The following MCC variants were observed in gnomAD, a reference collection of about 807,000 sequenced individuals.
MCC encodes the protein MCC regulator of Wnt signaling pathway.
A neutral mutation model predicts 116.2 loss-of-function variants in MCC; 90 were observed. The observed-to-expected ratio is 0.77, with a 90% CI of 0.65 to 0.92. MCC has a LOEUF of 0.92. MCC is among the 40% of genes least tolerant of loss of function. The pLI is 0.00. For synonymous variants in MCC, 578 were observed against 510.5 expected (o/e 1.13, Z -1.78); for missense variants, 1,516 against 1,312.2 (o/e 1.16, Z -2.40).
chr5:113,087,813 TA>T (rs962870140), intron 8 of MCC, among the ~76,000 whole-genome samples: 3 of 150,098 alleles, frequency 2.0e-5, no homozygotes, highest in East Asian at 3.9e-4. Flanking sequence ...AAAATACAGA[TA>T]AAAAAAATCC....
At chr5:113,474,247 G>A (rs1303248037) in intron 1 of MCC, among the ~76,000 whole-genome samples, 1 of 152,214 alleles carries the variant, frequency 6.6e-6, no homozygotes, top group Non-Finnish European at 1.5e-5. Flanking sequence ...AAAACTATGA[G>A]AATATCCAGT....
chr5:113,449,888 T>C (rs916858731), intron 1 of MCC, among the ~76,000 whole-genome samples: 1 of 152,246 alleles, frequency 6.6e-6, no homozygotes, highest in Admixed American at 6.5e-5. Flanking sequence ...CTTTTTCAAA[T>C]TTATAGTCCT....
intron 6 of MCC, among the ~76,000 whole-genome samples, chr5:113,112,297 A>G (rs1487527371): frequency 2.0e-5 from 3 of 152,180 alleles, no homozygotes; most frequent in South Asian, 2.1e-4. Flanking sequence ...GTAATCGCCA[A>G]TGTTGGAGGA....
rs111270402 is a variant in MCC at position 113,075,530 on chromosome 5, A to T, written c.1785-4296T>A. Among the ~76,000 whole-genome samples, 232 of 152,278 alleles carry T rather than the reference A, an allele frequency of 1.5e-3. 3 individuals carry two copies. Among genetic ancestry groups the T allele is most frequent in the African/African-American group, 5.3e-3 (222 of 41,554 alleles). On this transcript the variant is annotated intron_variant, in intron 11 of 18. Coordinates refer to ENST00000408903, the MANE Select transcript of MCC (RefSeq NM_001085377.2). ...CGGGTGGGGTCTTGGAGAACTTTTA[A>T]GTCTAGCTGGAGGATTGTAATTGCA... is the stretch of plus-strand genomic sequence containing the variant.
At chr5:113,413,096 C>T (rs1465642326) in intron 1 of MCC, among the ~76,000 whole-genome samples, 1 of 152,140 alleles carries the variant, frequency 6.6e-6, no homozygotes, top group Non-Finnish European at 1.5e-5. Context: ...TACGTTGAAC[C>T]AGCCTTGCAT....
At chr5:113,376,107 A>G (rs1057195909) in intron 2 of MCC, among the ~76,000 whole-genome samples, 5 of 152,216 alleles carry the variant, frequency 3.3e-5, no homozygotes, top group African/African-American at 9.6e-5. Context: ...AACCTTGGTA[A>G]TATTGATCTT....
intron 1 of MCC, among the ~76,000 whole-genome samples, chr5:113,402,085 G>A (rs1769704115): frequency 6.6e-6 from 1 of 151,838 alleles, no homozygotes; most frequent in Non-Finnish European, 1.5e-5. Context: ...ACGAGGTCCG[G>A]AGATCAAGAC....
At chr5:113,400,421 C>G (rs1268181922) in intron 1 of MCC, among the ~76,000 whole-genome samples, 1 of 152,116 alleles carries the variant, frequency 6.6e-6, no homozygotes, top group Non-Finnish European at 1.5e-5. Context: ...CCGCGCATGG[C>G]CTGTTTTGGC....
At chr5:113,196,281 C>T (rs1581236834) in intron 3 of MCC, among the ~76,000 whole-genome samples, 1 of 152,186 alleles carries the variant, frequency 6.6e-6, no homozygotes, top group East Asian at 1.9e-4. Flanking sequence ...ATCAGGCTCT[C>T]ATGACCTGGG....
intron 1 of MCC, among the ~76,000 whole-genome samples, chr5:113,454,320 G>A (rs905262104): frequency 2.6e-5 from 4 of 152,022 alleles, no homozygotes; most frequent in South Asian, 2.1e-4. Flanking sequence ...GCCCAGGCTC[G>A]TCTACAACTC....
At chr5:113,298,802 C>T (rs985787066) in intron 3 of MCC, among the ~76,000 whole-genome samples, 17 of 152,080 alleles carry the variant, frequency 1.1e-4, no homozygotes, top group Non-Finnish European at 2.5e-4. Flanking sequence ...ACTTATTTGA[C>T]GAGTAAACTA....
rs1374780694 is a variant in MCC at position 113,434,392 on chromosome 5, T to G, written c.171-49180A>C. On this transcript the variant is annotated intron_variant, in intron 1 of 18. Transcript: ENST00000408903. The surrounding 1 kb of genome is among the most constrained non-coding windows in gnomAD (Gnocchi z 4.2). ...GAGAAGCTGAAGTCGGACAGCTTGA[T>G]GTTGAAGTCCTTGTCAAGGAGAAGG... 2 of 1,613,688 alleles carry G rather than the reference T, an allele frequency of 1.2e-6. No individual in the cohort carries two copies. The highest frequency in any genetic ancestry group is 1.1e-5 in the South Asian group (1 of 91,034).
chr5:113,294,659 C>T (rs905152746), intron 3 of MCC: 44 of 1,077,092 alleles, frequency 4.1e-5, no homozygotes, highest in Admixed American at 5.4e-5. Flanking sequence ...CGCGCGGGGA[C>T]CCTCCCGCGC....
intron 4 of MCC, among the ~76,000 whole-genome samples, chr5:113,150,064 G>T (rs550536364): frequency 1.2e-3 from 178 of 152,282 alleles, no homozygotes; most frequent in African/African-American, 4.1e-3. Context: ...TTTGGAGACT[G>T]CCCTCAGGAC....
intron 3 of MCC, among the ~76,000 whole-genome samples, chr5:113,184,309 T>A (rs1025902074): frequency 1.3e-5 from 2 of 152,190 alleles, no homozygotes; most frequent in African/African-American, 4.8e-5. Flanking sequence ...CTACCCTCCC[T>A]GAAACTCAAC....
At chr5:113,124,273 G>T (rs929475156) in intron 5 of MCC, among the ~76,000 whole-genome samples, 4 of 152,206 alleles carry the variant, frequency 2.6e-5, no homozygotes, top group African/African-American at 9.6e-5. Context: ...GAAAGAAAAT[G>T]ATTAAAAAGC....
intron 1 of MCC, among the ~76,000 whole-genome samples, chr5:113,423,448 C>G: frequency 6.6e-6 from 1 of 152,192 alleles, no homozygotes; most frequent in East Asian, 1.9e-4. Flanking sequence ...TGTGTTTCCC[C>G]TAGAAGCAAC....
chr5:113,034,784 T>TC (rs1324223798), intron 17 of MCC, among the ~76,000 whole-genome samples: 2 of 152,196 alleles, frequency 1.3e-5, no homozygotes, highest in Non-Finnish European at 1.5e-5. Context: ...CATCCAGCGG[T>TC]CTGGTCCCTT....
chr5:113,250,054 G>T (rs1764735721), intron 3 of MCC, among the ~76,000 whole-genome samples: 1 of 152,146 alleles, frequency 6.6e-6, no homozygotes, highest in South Asian at 2.1e-4. Context: ...AACTTCCTTG[G>T]CATGCTGAAA....
Sources: gnomAD v4.1 joint callset for allele counts (sites outside exome capture counted in the v4.1 genomes callset) on GRCh38, gnomAD v4.1.1 for gene constraint, Gnocchi (gnomAD v3.1) non-coding constraint, MANE v1.5 for transcripts, NCBI Gene and HGNC (gene_info 2026-07-23, HGNC 2026-07-21) for gene names.